The following PTPRD variants were observed in gnomAD, a reference collection of about 807,000 sequenced individuals.
The protein encoded by PTPRD is receptor-type tyrosine-protein phosphatase delta.
A neutral mutation model predicts 214.5 loss-of-function variants in PTPRD; 34 were observed. The ratio of observed to expected loss-of-function variants is 0.16; its 90% CI spans 0.12 to 0.21. The LOEUF is 0.21. Among genes scored for constraint, PTPRD ranks in the 10% least tolerant of loss-of-function variants. The probability of loss-of-function intolerance (pLI) is 1.00; values close to 1 mark genes in which losing one functional copy is unlikely to be tolerated. For missense variants in PTPRD, 2,545 were observed against 2,398.7 expected (o/e 1.06, Z -1.27); for synonymous variants, 1,128 against 845.7 (o/e 1.33, Z -5.79).
At chr9:9,245,632 T>C (rs1594453965) in intron 9 of PTPRD, among the ~76,000 whole-genome samples, 1 of 143,080 alleles carries the variant, frequency 7.0e-6, no homozygotes, top group African/African-American at 2.6e-5. Context: ...GGTGGGGGGA[T>C]GGGGGAGGGA....
intron 33 of PTPRD, among the ~76,000 whole-genome samples, chr9:8,456,168 C>T (rs763261194): frequency 6.6e-6 from 1 of 152,048 alleles, no homozygotes; most frequent in Admixed American, 6.6e-5. Flanking sequence ...GCAGTAGCAA[C>T]ACAATAATGA....
Position 10,017,876 on chromosome 9 carries a change from T to C in PTPRD, c.-472+15842A>G, listed in dbSNP as rs2096755670. ...TGTAAAATTGTAACCAACACTCAAA[T>C]GAAGATTAAAAACATTTGAATACCC... On this transcript the variant is annotated intron_variant, in intron 4 of 45. Coordinates refer to ENST00000381196, the MANE Select transcript of PTPRD (RefSeq NM_002839.4). Among the ~76,000 whole-genome samples, 4 of 152,084 alleles carry C rather than the reference T, an allele frequency of 2.6e-5. 1 individual carries two copies. The South Asian group carries it at 8.3e-4, about 32-fold the overall frequency.
intron 3 of PTPRD, among the ~76,000 whole-genome samples, chr9:10,200,254 G>T (rs1465904571): frequency 2.0e-5 from 3 of 152,006 alleles, no homozygotes; most frequent in Non-Finnish European, 4.4e-5. Flanking sequence ...TTTTAAATCT[G>T]TTTCCCATAG....
At chr9:9,485,435 C>G (rs552133123) in intron 8 of PTPRD, among the ~76,000 whole-genome samples, 1 of 152,242 alleles carries the variant, frequency 6.6e-6, no homozygotes, top group Non-Finnish European at 1.5e-5. Context: ...CTGTATCAAT[C>G]TTAAATTTTG....
At chr9:9,953,020 T>G (rs1043619410) in intron 4 of PTPRD, among the ~76,000 whole-genome samples, 5 of 152,154 alleles carry the variant, frequency 3.3e-5, no homozygotes, top group African/African-American at 1.2e-4. Context: ...CAAGAATGAA[T>G]TTTAGGATGA....
At chr9:8,995,094 C>A (rs2099391470) in intron 11 of PTPRD, among the ~76,000 whole-genome samples, 1 of 151,770 alleles carries the variant, frequency 6.6e-6, no homozygotes, top group Non-Finnish European at 1.5e-5. Context: ...GAGAGAAGCT[C>A]TACATGAAAA....
chr9:8,751,998 C>A (rs1169453991), intron 11 of PTPRD, among the ~76,000 whole-genome samples: 1 of 152,136 alleles, frequency 6.6e-6, no homozygotes, highest in African/African-American at 2.4e-5. Flanking sequence ...TGACCCTGAG[C>A]CTCAAGAAAC....
chr9:10,120,234 C>A (rs565109569), intron 3 of PTPRD, among the ~76,000 whole-genome samples: 1 of 151,660 alleles, frequency 6.6e-6, no homozygotes, highest in Non-Finnish European at 1.5e-5. Context: ...ATTTTTCCCA[C>A]TAGTCATAAT....
chr9:10,281,837 C>G (rs926217194), intron 3 of PTPRD, among the ~76,000 whole-genome samples: 1 of 152,042 alleles, frequency 6.6e-6, no homozygotes, highest in African/African-American at 2.4e-5. Flanking sequence ...AAGTGAACAT[C>G]TTGAAATTTT....
At chr9:9,338,552 G>C (rs1693356111) in intron 9 of PTPRD, among the ~76,000 whole-genome samples, 2 of 151,950 alleles carry the variant, frequency 1.3e-5, no homozygotes, top group African/African-American at 4.8e-5. Flanking sequence ...GAAAGATACA[G>C]AAAAGTTATA....
intron 9 of PTPRD, among the ~76,000 whole-genome samples, chr9:9,370,944 G>A (rs10481628): frequency 0.024 from 3,704 of 152,182 alleles, 131 homozygotes; most frequent in African/African-American, 0.084. Context: ...AACCAGCCTT[G>A]CATCCCAGGG....
At chr9:8,784,073 TG>T (rs1272724440) in intron 11 of PTPRD, among the ~76,000 whole-genome samples, 1 of 152,204 alleles carries the variant, frequency 6.6e-6, no homozygotes. Flanking sequence ...CTCCACTCTT[TG>T]CCCCTTCAGC....
At chr9:8,792,839 CTT>C (rs754131526) in intron 11 of PTPRD, among the ~76,000 whole-genome samples, 1 of 152,148 alleles carries the variant, frequency 6.6e-6, no homozygotes, top group African/African-American at 2.4e-5. Flanking sequence ...TTCTCTCCCT[CTT>C]TTTTCTTTCC....
At chr9:9,237,577 C>T (rs539792470) in intron 9 of PTPRD, among the ~76,000 whole-genome samples, 2 of 152,264 alleles carry the variant, frequency 1.3e-5, no homozygotes, top group South Asian at 4.1e-4. Flanking sequence ...CTTCCCTTCC[C>T]CCAAAGCCAG....
At chr9:8,787,050 G>A (rs1446874326) in intron 11 of PTPRD, among the ~76,000 whole-genome samples, 2 of 151,976 alleles carry the variant, frequency 1.3e-5, no homozygotes, top group Non-Finnish European at 2.9e-5. Context: ...TGCCTAGTCT[G>A]GTCTCGAACT....
intron 3 of PTPRD, among the ~76,000 whole-genome samples, chr9:10,279,606 C>T (rs1544056): frequency 4.0e-5 from 6 of 151,650 alleles, no homozygotes; most frequent in Non-Finnish European, 7.4e-5. Context: ...GCTACTTTCA[C>T]GTGTCTACTC....
Position 8,460,395 on chromosome 9 carries a change from T to C in PTPRD, c.3875+16A>G, listed in dbSNP as rs1564979112. On this transcript the variant is annotated intron_variant, in intron 33 of 45. Transcript: ENST00000381196. ...GCAGCCTCCAAAATTACAACAGAAA[T>C]ATTGGGCAAACCTACCTTTTATAAA... is the stretch of plus-strand genomic sequence containing the variant. 6.2e-7 allele frequency: 1 copy of C among 1,609,482 alleles called. No individual in the cohort carries two copies. The highest frequency in any genetic ancestry group is 8.5e-7 in the Non-Finnish European group (1 of 1,178,008).
At chr9:10,438,670 C>G (rs1157914099) in intron 2 of PTPRD, among the ~76,000 whole-genome samples, 1 of 151,546 alleles carries the variant, frequency 6.6e-6, no homozygotes, top group Non-Finnish European at 1.5e-5. Context: ...GGATCTCTTT[C>G]AAGACCTCTG....
At chr9:8,596,331 A>C (rs920684309) in intron 14 of PTPRD, among the ~76,000 whole-genome samples, 1 of 152,074 alleles carries the variant, frequency 6.6e-6, no homozygotes, top group Non-Finnish European at 1.5e-5. Context: ...CTCAAAAATA[A>C]ATTAGCAAGT....
Sources: gnomAD v4.1 joint callset for allele counts (sites outside exome capture counted in the v4.1 genomes callset) on GRCh38, gnomAD v4.1.1 for gene constraint, MANE v1.5 for transcripts, NCBI Gene and HGNC (gene_info 2026-07-23, HGNC 2026-07-21) for gene names.